Variants in SHANK2 observed in about 807,000 individuals in gnomAD.
The protein encoded by SHANK2 is SH3 and multiple ankyrin repeat domains protein 2.
A neutral mutation model predicts 133.7 loss-of-function variants in SHANK2; 43 were observed. The observed-to-expected ratio is 0.32, with a 90% CI of 0.25 to 0.41. The LOEUF (loss-of-function observed/expected upper bound fraction) is 0.41. Ranked by LOEUF, SHANK2 falls within the 10% of genes least tolerant of loss-of-function variation. The pLI, the probability that SHANK2 is intolerant of heterozygous loss-of-function variation, is 1.00. For synonymous variants in SHANK2, 1,017 were observed against 952.8 expected, an observed-to-expected ratio of 1.07 and a Z score of -1.24; for missense variants, 1,994 against 2,235.8, an observed-to-expected ratio of 0.89 and a Z score of 2.18.
At chr11:70,779,736 C>T (rs1437056610) in intron 14 of SHANK2, among the ~76,000 whole-genome samples, 2 of 152,166 alleles carry the variant, frequency 1.3e-5, no homozygotes, top group South Asian at 2.1e-4. Context: ...AGGCGCTTGG[C>T]GTCCCTGCTG....
chr11:71,121,848 C>T (rs1952089024), intron 3 of SHANK2, among the ~76,000 whole-genome samples: 2 of 152,190 alleles, frequency 1.3e-5, no homozygotes, highest in Non-Finnish European at 2.9e-5. Flanking sequence ...TATGAACAGA[C>T]ACTTTTCAAA....
chr11:70,568,645 T>TCCCCCCCCCCCCCCCCCCCCCCCC (rs1565137385), intron 17 of SHANK2, among the ~76,000 whole-genome samples: 1 of 48,380 alleles, frequency 2.1e-5, no homozygotes, highest in Non-Finnish European at 4.9e-5. Flanking sequence ...AGCGGATTCC[T>TCCCCCCCCCCCCCCCCCCCCCCCC]GCCCCCCCCG....
chr11:70,930,283 T>C (rs1950484686), intron 10 of SHANK2, among the ~76,000 whole-genome samples: 1 of 152,168 alleles, frequency 6.6e-6, no homozygotes. Context: ...CTGCCGGTGC[T>C]CTGCTCCCTC....
chr11:70,686,846 G>A (rs1197269961), intron 15 of SHANK2, among the ~76,000 whole-genome samples: 2 of 152,214 alleles, frequency 1.3e-5, no homozygotes, highest in East Asian at 3.9e-4. Context: ...AAAACCTGCT[G>A]CTTCCCAGGC....
intron 3 of SHANK2, among the ~76,000 whole-genome samples, chr11:71,124,953 TTATTA>T (rs1367575061): frequency 6.6e-6 from 1 of 152,228 alleles, no homozygotes; most frequent in East Asian, 1.9e-4. Context: ...TTTTTCATAA[TTATTA>T]TATCTGTTAG....
intron 6 of SHANK2, among the ~76,000 whole-genome samples, chr11:71,107,707 C>T (rs1172257701): frequency 1.3e-5 from 2 of 152,176 alleles, no homozygotes; most frequent in Non-Finnish European, 2.9e-5. Context: ...CCAGAGAAAT[C>T]GCTGCTTACC....
rs879990185 is a variant in SHANK2 at position 70,471,264 on chromosome 11, G to GA, written c.*1604dup. ...TTCCAGACCTAATCAAGAAAAAAAG[G>GA]AAAAAAAAAAAACAAAACCATGTTT... is the stretch of plus-strand genomic sequence containing the variant. On this transcript the variant is annotated 3_prime_UTR_variant, in exon 26 of 26. Coordinates refer to ENST00000601538, the MANE Select transcript of SHANK2 (RefSeq NM_012309.5). The surrounding 1 kb of genome is among the most constrained non-coding windows in gnomAD (Gnocchi z 4.1). The GA allele has an allele frequency of 0.15, 34,891 of 232,840 alleles. 10 individuals carry two copies. Among genetic ancestry groups the GA allele is most frequent in the Middle Eastern group, 0.23 (182 of 792 alleles). The allele number at this position is 232,840 out of a possible 1,614,324, so 14.4% of individuals were successfully genotyped here.
At chr11:70,916,635 C>G (rs1288068057) in intron 10 of SHANK2, among the ~76,000 whole-genome samples, 2 of 152,044 alleles carry the variant, frequency 1.3e-5, no homozygotes, top group Non-Finnish European at 1.5e-5. Context: ...CCACCTGTGT[C>G]AGTTAAATGG....
At position 71,090,172 on chromosome 11, in the gene SHANK2, C is replaced by CTGTGTGTGTGTGTG. The variant is rs1191382012; in HGVS notation, c.912+2236_912+2249dup. Among the ~76,000 whole-genome samples the CTGTGTGTGTGTGTG allele has an allele frequency of 6.5e-4, 57 of 87,302 alleles. 2 individuals carry two copies. Among genetic ancestry groups the CTGTGTGTGTGTGTG allele is most frequent in the African/African-American group, 2.7e-3 (51 of 18,658 alleles). 57.3% of individuals were successfully genotyped at this position (87,302 alleles called of 152,430 possible). On this transcript the variant is annotated intron_variant, in intron 8 of 25. Transcript: ENST00000601538. The stretch of plus-strand genomic sequence containing the variant: ...CCAGGGTTCTCCAGAGAAACACAAC[C>CTGTGTGTGTGTGTG]TGTGTGTGTGTGTGTGTGTGTGTGT...
intron 3 of SHANK2, among the ~76,000 whole-genome samples, chr11:71,139,296 C>T (rs1181344735): frequency 2.0e-5 from 3 of 148,052 alleles, no homozygotes; most frequent in African/African-American, 7.5e-5. Flanking sequence ...GCCGCCACAG[C>T]CCCGTTCTAT....
chr11:70,685,890 C>A (rs566400144), intron 15 of SHANK2, among the ~76,000 whole-genome samples: 1 of 152,262 alleles, frequency 6.6e-6, no homozygotes, highest in South Asian at 2.1e-4. Flanking sequence ...CACTGCCCAA[C>A]TTTGGTCCCC....
intron 3 of SHANK2, among the ~76,000 whole-genome samples, chr11:71,132,272 C>T (rs72957676): frequency 0.19 from 29,478 of 152,084 alleles, 3,136 homozygotes; most frequent in South Asian, 0.31. Flanking sequence ...AAAGCCTCAC[C>T]CTTGGATTTA....
At chr11:71,110,685 C>T (rs1458787326) in intron 5 of SHANK2, among the ~76,000 whole-genome samples, 1 of 152,198 alleles carries the variant, frequency 6.6e-6, no homozygotes, top group African/African-American at 2.4e-5. Context: ...GCACCACAAG[C>T]CCTGAGGCTC....
intron 11 of SHANK2, among the ~76,000 whole-genome samples, chr11:70,879,874 G>T (rs1555072091): frequency 6.6e-6 from 1 of 152,188 alleles, no homozygotes; most frequent in Non-Finnish European, 1.5e-5. Flanking sequence ...CACAAGCAAG[G>T]AGTCAGGGAA....
rs540097131 is a variant in SHANK2 at position 70,830,980 on chromosome 11, C to T, written c.1175-10298G>A. On this transcript the variant is annotated intron_variant, in intron 11 of 25. Coordinates refer to ENST00000601538, the MANE Select transcript of SHANK2 (RefSeq NM_012309.5). The surrounding 1 kb of genome is among the most constrained non-coding windows in gnomAD (Gnocchi z 4.4). ...GGGGTCCTGCGTGGAGGGCCTACAA[C>T]GACCCTGGAGGCTTGTGCCGGCCAC... 3.9e-5 allele frequency among the ~76,000 whole-genome samples: 6 copies of T among 152,262 alleles called. No individual in the cohort carries two copies. Among genetic ancestry groups the T allele is most frequent in the South Asian group, 2.1e-4 (1 of 4,814 alleles).
At chr11:71,147,968 T>A (rs1323493828) in intron 2 of SHANK2, among the ~76,000 whole-genome samples, 4 of 151,898 alleles carry the variant, frequency 2.6e-5, no homozygotes, top group African/African-American at 9.7e-5. Flanking sequence ...GACTTGGGGG[T>A]CCCCAAGAGG....
intron 14 of SHANK2, among the ~76,000 whole-genome samples, chr11:70,763,610 C>T (rs1947042258): frequency 6.6e-6 from 1 of 152,200 alleles, no homozygotes; most frequent in African/African-American, 2.4e-5. Context: ...TTCGGGCCAA[C>T]AGCACCCACA....
chr11:71,147,167 C>A lies in SHANK2; in HGVS notation c.160G>T (p.Gly54Cys), dbSNP rs1555106859. Residue 54 changes from glycine to cysteine, a missense_variant, in exon 3 of 26, where the codon GGC becomes TGC. Coordinates refer to ENST00000601538, the MANE Select transcript of SHANK2 (RefSeq NM_012309.5). Reference sequence around the variant, plus strand: ...ACCACGCGGATCACCAGCGTGTTGCCCTGGCTCTCCTCCGTCCTGGCACCG... The same window carrying A: ...ACCACGCGGATCACCAGCGTGTTGCACTGGCTCTCCTCCGTCCTGGCACCG... Reference protein sequence around the residue: ...PGGARTEESQGNTLVIRVVIH... With the variant: ...PGGARTEESQCNTLVIRVVIH... 6.4e-7 allele frequency: 1 copy of A among 1,550,470 alleles called. No homozygotes were observed. Among genetic ancestry groups the A allele is most frequent in the Non-Finnish European group, 8.7e-7 (1 of 1,146,938 alleles).
At chr11:70,632,793 A>C (rs1333002568) in intron 17 of SHANK2, among the ~76,000 whole-genome samples, 5 of 152,168 alleles carry the variant, frequency 3.3e-5, no homozygotes, top group Admixed American at 6.5e-5. Flanking sequence ...TATTTTTTGA[A>C]ACAAGGTCAT....
Sources: gnomAD v4.1 joint callset for allele counts (sites outside exome capture counted in the v4.1 genomes callset) on GRCh38, gnomAD v4.1.1 for gene constraint, Gnocchi (gnomAD v3.1) non-coding constraint, MANE v1.5 for transcripts, NCBI Gene and HGNC (gene_info 2026-07-23, HGNC 2026-07-21) for gene names.